MARK3: variants seen among roughly 807,000 people sequenced by gnomAD.
The protein encoded by MARK3 is microtubule affinity regulating kinase 3, also known as MAP/microtubule affinity-regulating kinase 3.
Under a neutral mutation model 90.1 loss-of-function variants are expected in MARK3, and 46 were observed. The observed-to-expected ratio is 0.51, with a 90% CI of 0.40 to 0.65. MARK3 has a LOEUF of 0.65. Ranked by LOEUF, MARK3 falls within the 30% of genes least tolerant of loss-of-function variation. The probability of loss-of-function intolerance (pLI) is 0.00; values close to 1 mark genes in which losing one functional copy is unlikely to be tolerated. For synonymous variants in MARK3, 321 were observed against 332.6 expected (o/e 0.97, Z 0.38); for missense variants, 818 against 947.2 (o/e 0.86, Z 1.79).
intron 3 of MARK3, among the ~76,000 whole-genome samples, chr14:103,446,930 C>G (rs1351084693): frequency 6.6e-6 from 1 of 151,948 alleles, no homozygotes; most frequent in Non-Finnish European, 1.5e-5. Flanking sequence ...TAAAAAAGAA[C>G]TCAGGCCTGA....
chr14:103,434,751 A>C (rs1205944982), intron 3 of MARK3, among the ~76,000 whole-genome samples: 1 of 152,214 alleles, frequency 6.6e-6, no homozygotes, highest in Non-Finnish European at 1.5e-5. Flanking sequence ...GAAAACTAGA[A>C]GAATTCAGAA....
chr14:103,425,847 T>C lies in MARK3; in HGVS notation c.244-2540T>C, dbSNP rs765867632. 1.3e-4 allele frequency among the ~76,000 whole-genome samples: 20 copies of C among 152,188 alleles called. 1 individual carries two copies. The highest frequency in any genetic ancestry group is 3.3e-4 in the Admixed American group (5 of 15,278). On this transcript the variant is annotated intron_variant, in intron 2 of 17. Coordinates refer to ENST00000429436, the MANE Select transcript of MARK3 (RefSeq NM_001128918.3). ...GGGTTATAGCCCATCCACTCCAGGGTCAGAATTGCTGGATACCTTGTTGCA... is the reference window on the plus strand; with the variant it reads ...GGGTTATAGCCCATCCACTCCAGGGCCAGAATTGCTGGATACCTTGTTGCA...
At chr14:103,473,333 AT>A (rs2093662394) in intron 12 of MARK3, among the ~76,000 whole-genome samples, 1 of 152,230 alleles carries the variant, frequency 6.6e-6, no homozygotes, top group African/African-American at 2.4e-5. Context: ...AAACATACAA[AT>A]TAGTGCAAGT....
chr14:103,475,562 G>A (rs771534289), intron 13 of MARK3, among the ~76,000 whole-genome samples: 1 of 152,178 alleles, frequency 6.6e-6, no homozygotes, highest in African/African-American at 2.4e-5. Context: ...TGATGCCTTG[G>A]TGCTGGCATC....
intron 2 of MARK3, among the ~76,000 whole-genome samples, chr14:103,405,646 A>C (rs979055627): frequency 2.6e-5 from 4 of 151,090 alleles, no homozygotes; most frequent in African/African-American, 9.7e-5. Context: ...TGTAATATAT[A>C]GCTACTATGT....
intron 11 of MARK3, chr14:103,467,696 AAGAT>A (rs2093540039): frequency 6.2e-6 from 1 of 160,020 alleles, no homozygotes; most frequent in Non-Finnish European, 1.3e-5. Context: ...AAAAAAAAAA[AAGAT>A]GGATGTTGTC....
intron 14 of MARK3, among the ~76,000 whole-genome samples, chr14:103,482,302 C>T (rs1595889091): frequency 1.3e-5 from 2 of 151,750 alleles, no homozygotes; most frequent in East Asian, 2.0e-4. Context: ...AGGTGGATCA[C>T]TTGAGGTCAG....
chr14:103,433,548 G>A (rs532364287), intron 3 of MARK3, among the ~76,000 whole-genome samples: 35 of 152,132 alleles, frequency 2.3e-4, no homozygotes, highest in African/African-American at 8.4e-4. Context: ...ACAAAAATTA[G>A]TTGGGCGTGG....
At chr14:103,482,424 G>A (rs2093842672) in intron 14 of MARK3, among the ~76,000 whole-genome samples, 1 of 152,002 alleles carries the variant, frequency 6.6e-6, no homozygotes, top group South Asian at 2.1e-4. Flanking sequence ...GGGAGACTGA[G>A]GCAGGAGAAT....
intron 14 of MARK3, chr14:103,490,987 C>T: frequency 7.8e-7 from 1 of 1,286,042 alleles, no homozygotes; most frequent in Non-Finnish European, 1.0e-6. Flanking sequence ...GCTAGCCCTG[C>T]CTCAGTTTGT....
chr14:103,482,745 T>G (rs1207904364), intron 14 of MARK3, among the ~76,000 whole-genome samples: 1 of 152,130 alleles, frequency 6.6e-6, no homozygotes, highest in Non-Finnish European at 1.5e-5. Context: ...TTCCTAAAAT[T>G]TTTCGTTTCA....
At chr14:103,449,717 A>G (rs2093085285) in intron 4 of MARK3, among the ~76,000 whole-genome samples, 1 of 152,216 alleles carries the variant, frequency 6.6e-6, no homozygotes, top group Admixed American at 6.5e-5. Flanking sequence ...AAATGACTTA[A>G]TACTGACCCA....
Position 103,448,906 on chromosome 14 carries a change from T to G in MARK3, c.298-13T>G, listed in dbSNP as rs1420812337. ...TTGGGGGGATTATGTGTTTTGTTTG[T>G]TTTTTTTTTTAGCTCTTCAGAGAAG... is the stretch of plus-strand genomic sequence containing the variant. On this transcript the variant is annotated splice_polypyrimidine_tract_variant and intron_variant, in intron 3 of 17. Coordinates refer to ENST00000429436, the MANE Select transcript of MARK3 (RefSeq NM_001128918.3). 1 of 854,310 alleles carries G rather than the reference T, an allele frequency of 1.2e-6. No individual in the cohort carries two copies. Among genetic ancestry groups the G allele is most frequent in the South Asian group, 2.4e-5 (1 of 41,544 alleles). The allele number at this position is 854,310 out of a possible 1,614,324, so 52.9% of individuals were successfully genotyped here. A position where few individuals can be genotyped will look rare whatever the true frequency, so the allele number is the denominator to read the frequency against.
chr14:103,392,391 C>T (rs983105870), intron 1 of MARK3, among the ~76,000 whole-genome samples: 2 of 152,154 alleles, frequency 1.3e-5, no homozygotes, highest in Non-Finnish European at 2.9e-5. Flanking sequence ...GCTTTAGAAC[C>T]GTGATCACTG....
chr14:103,418,024 G>A (rs1566806221), intron 2 of MARK3, among the ~76,000 whole-genome samples: 2 of 151,984 alleles, frequency 1.3e-5, no homozygotes, highest in Non-Finnish European at 1.5e-5. Context: ...AGCCGAGATC[G>A]CGCCACTGCA....
intron 2 of MARK3, among the ~76,000 whole-genome samples, chr14:103,419,992 GAAAAA>G (rs1221389934): frequency 1.3e-5 from 1 of 79,486 alleles, no homozygotes; most frequent in Non-Finnish European, 3.6e-5. Flanking sequence ...TGTCTCTTAA[GAAAAA>G]GAAACAGAAA....
intron 2 of MARK3, among the ~76,000 whole-genome samples, chr14:103,415,955 A>G (rs1173268199): frequency 6.6e-6 from 1 of 152,160 alleles, no homozygotes; most frequent in Non-Finnish European, 1.5e-5. Flanking sequence ...TCCCACTTCC[A>G]TATCTACATT....
chr14:103,421,570 C>T (rs916930781), intron 2 of MARK3, among the ~76,000 whole-genome samples: 19 of 152,154 alleles, frequency 1.2e-4, no homozygotes, highest in African/African-American at 3.9e-4. Flanking sequence ...AGAGGAACGT[C>T]GGTCTTTACA....
intron 1 of MARK3, among the ~76,000 whole-genome samples, chr14:103,390,015 G>A (rs796933696): frequency 4.7e-5 from 7 of 150,190 alleles, no homozygotes; most frequent in African/African-American, 9.8e-5. Context: ...CTGGGAGGCC[G>A]AGGCGGGCAG....
Sources: gnomAD v4.1 joint callset for allele counts (sites outside exome capture counted in the v4.1 genomes callset) on GRCh38, gnomAD v4.1.1 for gene constraint, MANE v1.5 for transcripts, NCBI Gene and HGNC (gene_info 2026-07-23, HGNC 2026-07-21) for gene names.